The following NWD1 variants were observed in gnomAD, a reference collection of about 807,000 sequenced individuals.
NWD1 encodes NACHT domain- and WD repeat-containing protein 1.
Under a neutral mutation model 135.1 loss-of-function variants are expected in NWD1, and 129 were observed. The ratio of observed to expected loss-of-function variants is 0.96; its 90% CI spans 0.83 to 1.11. The LOEUF (loss-of-function observed/expected upper bound fraction) is 1.11, where lower values mean the gene tolerates loss of function less well. Among genes scored for constraint, NWD1 ranks in the 50% least tolerant of loss-of-function variants. The pLI is 0.00. For missense variants in NWD1, 1,740 were observed against 1,851.3 expected (o/e 0.94, Z 1.10); for synonymous variants, 773 against 786.0 (o/e 0.98, Z 0.28).
At chr19:16,756,771 A>C (rs1968814857) in intron 6 of NWD1, among the ~76,000 whole-genome samples, 1 of 152,128 alleles carries the variant, frequency 6.6e-6, no homozygotes, top group Non-Finnish European at 1.5e-5. Context: ...GCACAGCAGG[A>C]GGTGAGCAGT....
chr19:16,728,521 G>A (rs1041207277), intron 2 of NWD1, among the ~76,000 whole-genome samples: 1 of 151,898 alleles, frequency 6.6e-6, no homozygotes, highest in Non-Finnish European at 1.5e-5. Context: ...CTGACCTCAG[G>A]TCATCTGCCC....
intron 12 of NWD1, 60 bp downstream of exon 12, chr19:16,779,525 G>T (rs1196503698): frequency 6.5e-7 from 1 of 1,535,478 alleles, no homozygotes; most frequent in African/African-American, 1.4e-5. Flanking sequence ...GGTTCTCAGA[G>T]CCCCTTCCCC....
chr19:16,744,368 C>T (rs1438491174), intron 4 of NWD1, 53 bp from the exon 5 acceptor site: 5 of 1,490,120 alleles, frequency 3.4e-6, no homozygotes, highest in Non-Finnish European at 4.5e-6. Flanking sequence ...CAGAGCAAGA[C>T]CTTGTCTGAA....
chr19:16,789,241 A>G lies in NWD1; in HGVS notation c.2940+51A>G, dbSNP rs762685284. 1.1e-5 allele frequency: 16 copies of G among 1,464,514 alleles called. 1 individual carries two copies. The East Asian group carries it at 3.7e-4, about 33-fold the overall frequency. The allele number at this position is 1,464,514 out of a possible 1,614,324, so 90.7% of individuals were successfully genotyped here. A position where few individuals can be genotyped will look rare whatever the true frequency, so the allele number is the denominator to read the frequency against. On this transcript the variant is annotated intron_variant, in intron 13 of 18. Transcript: ENST00000524140. The stretch of plus-strand genomic sequence containing the variant: ...AAGGAAAGCTGAGACCAGAGCATTC[A>G]AAGACAGAATAGGCCATTTCTATAA...
At chr19:16,722,536 A>G (rs1967178648) in intron 1 of NWD1, among the ~76,000 whole-genome samples, 1 of 151,728 alleles carries the variant, frequency 6.6e-6, no homozygotes. Flanking sequence ...CGATCCGCCC[A>G]CCTTGGCCTC....
intron 3 of NWD1, among the ~76,000 whole-genome samples, chr19:16,735,829 A>AAGGAAG (rs1568337322): frequency 1.8e-5 from 1 of 56,950 alleles, no homozygotes; most frequent in Non-Finnish European, 3.5e-5. Context: ...AAGGAAGGAA[A>AAGGAAG]GAAGGAAGGA....
At chr19:16,725,552 T>C (rs1282049238) in intron 2 of NWD1, among the ~76,000 whole-genome samples, 1 of 152,044 alleles carries the variant, frequency 6.6e-6, no homozygotes, top group Non-Finnish European at 1.5e-5. Context: ...ATTGTTCATT[T>C]ATTTATTTAT....
rs149364922 is a variant in NWD1, at chr19:16,743,564, C to T, written c.199-857C>T. On this transcript the variant is annotated intron_variant, in intron 4 of 18. Coordinates refer to ENST00000524140, the MANE Select transcript of NWD1 (RefSeq NM_001007525.5). ...TTCTGGTGGCTCCAGGCTATAAGGG[C>T]GGTCAACTTCACCTCCATCTTCTCA... is the stretch of plus-strand genomic sequence containing the variant. Among the ~76,000 whole-genome samples, 268 of 152,104 alleles carry T rather than the reference C, an allele frequency of 1.8e-3. 2 individuals are homozygous for T. Among genetic ancestry groups the T allele is most frequent in the Middle Eastern group, 0.01 (3 of 294 alleles).
intron 2 of NWD1, among the ~76,000 whole-genome samples, chr19:16,730,961 A>T (rs1387740698): frequency 1.4e-5 from 2 of 139,386 alleles, no homozygotes; most frequent in Non-Finnish European, 3.0e-5. Context: ...CTTTAGCCGC[A>T]GGCCAGGCGC....
chr19:16,720,899 G>A (rs1348350687), intron 1 of NWD1, among the ~76,000 whole-genome samples: 1 of 152,004 alleles, frequency 6.6e-6, no homozygotes, highest in Non-Finnish European at 1.5e-5. Context: ...TGCCCAGGCT[G>A]GAGCGCAGTG....
chr19:16,746,542 G>GCA (rs1403696927), intron 5 of NWD1, among the ~76,000 whole-genome samples: 1 of 152,034 alleles, frequency 6.6e-6, no homozygotes, highest in Admixed American at 6.6e-5. Flanking sequence ...GCATGGTGGT[G>GCA]CACACCTGTA....
intron 12 of NWD1, among the ~76,000 whole-genome samples, chr19:16,782,909 C>A (rs28794302): frequency 4.5e-5 from 5 of 110,002 alleles, no homozygotes; most frequent in Non-Finnish European, 8.2e-5. Flanking sequence ...TCCTTCCTTC[C>A]TTCTTTCCTT....
chr19:16,800,024 A>T lies in NWD1; in HGVS notation c.3598A>T (p.Ser1200Cys). 1 of 1,614,200 alleles carries T rather than the reference A, an allele frequency of 6.2e-7. No individual in the cohort carries two copies. The highest frequency in any genetic ancestry group is 8.5e-7 in the Non-Finnish European group (1 of 1,180,036). ...CTCATCTTTCAAGGTCTGGGATCTCAGCGATGCTCATAGGTCCCGGGTGCC... is the reference window on the plus strand; with the variant it reads ...CTCATCTTTCAAGGTCTGGGATCTCTGCGATGCTCATAGGTCCCGGGTGCC... ...QSSSFKVWDL[S>C]DAHRSRVPAP... The change falls in exon 17 of 19, where the codon AGC becomes TGC. Residue 1200 changes from serine to cysteine, a missense_variant. Ser to Cys is a moderately radical substitution (Grantham distance 112). Coordinates refer to ENST00000524140, the MANE Select transcript of NWD1 (RefSeq NM_001007525.5).
chr19:16,734,303 C>T (rs1967699932), intron 3 of NWD1, among the ~76,000 whole-genome samples: 1 of 152,084 alleles, frequency 6.6e-6, no homozygotes, highest in Non-Finnish European at 1.5e-5. Flanking sequence ...AATCCCAGCA[C>T]TCTGGGAGGC....
intron 10 of NWD1, among the ~76,000 whole-genome samples, chr19:16,772,601 G>A (rs1266936601): frequency 1.3e-5 from 2 of 152,060 alleles, no homozygotes; most frequent in Non-Finnish European, 1.5e-5. Flanking sequence ...AGCCAAGATC[G>A]CACCATTGCA....
chr19:16,726,967 C>T (rs1249869174), intron 2 of NWD1, among the ~76,000 whole-genome samples: 4 of 141,598 alleles, frequency 2.8e-5, no homozygotes, highest in South Asian at 2.5e-4. Context: ...ATAGTATGTG[C>T]GGTGCCTGGA....
At chr19:16,751,953 G>C (rs1968599576) in intron 6 of NWD1, among the ~76,000 whole-genome samples, 1 of 149,812 alleles carries the variant, frequency 6.7e-6, no homozygotes, top group South Asian at 2.1e-4. Flanking sequence ...GGAAAGAAAA[G>C]AAGAAGGGAA....
At position 16,783,494 on chromosome 19, in the gene NWD1, C is replaced by T. The variant is rs113192277; in HGVS notation, c.2731+4029C>T. On this transcript the variant is annotated intron_variant, in intron 12 of 18. Coordinates refer to ENST00000524140, the MANE Select transcript of NWD1 (RefSeq NM_001007525.5). ...TACTAAAAATACAAAATTAGCCGGG[C>T]GTGGTGATATATACCTGTAATCCCA... 3.1e-3 allele frequency among the ~76,000 whole-genome samples: 476 copies of T among 151,980 alleles called. 5 individuals carry two copies. Among genetic ancestry groups the T allele is most frequent in the African/African-American group, 0.011 (438 of 41,484 alleles).
chr19:16,796,231 A>C (rs1970413208), intron 15 of NWD1, among the ~76,000 whole-genome samples: 1 of 152,098 alleles, frequency 6.6e-6, no homozygotes. Flanking sequence ...ATCACCTGAG[A>C]TCAGAAGTTC....
Sources: allele counts gnomAD v4.1 joint callset (sites outside exome capture counted in the v4.1 genomes callset), GRCh38; gene constraint gnomAD v4.1.1; transcripts MANE v1.5; gene names NCBI Gene and HGNC (gene_info 2026-07-23, HGNC 2026-07-21).